The following SMAD4 variants were observed in gnomAD, a reference collection of about 807,000 sequenced individuals.
The protein encoded by SMAD4 is SMAD family member 4.
In SMAD4, 7 loss-of-function variants were observed where a neutral mutation model predicts 63.2. The ratio of observed to expected loss-of-function variants is 0.11; its 90% CI spans 0.06 to 0.21. The LOEUF is 0.21. Ranked by LOEUF, SMAD4 falls within the 10% of genes least tolerant of loss-of-function variation. SMAD4 has a pLI of 1.00. For synonymous variants in SMAD4, 215 were observed against 235.4 expected, an observed-to-expected ratio of 0.91 and a Z score of 0.79; for missense variants, 312 against 693.8, an observed-to-expected ratio of 0.45 and a Z score of 6.18.
At position 51,050,977 on chromosome 18, in the gene SMAD4, G is replaced by T. The variant is rs555556598; in HGVS notation, c.454+1653G>T. On this transcript the variant is annotated intron_variant, in intron 4 of 11. Coordinates refer to ENST00000342988, the MANE Select transcript of SMAD4 (RefSeq NM_005359.6). The stretch of plus-strand genomic sequence containing the variant: ...TCTGGGAAGGGTTGCTTTAAGATTG[G>T]TGAAAACTCTGCTTCTTTGCTACGC... 4.5e-5 allele frequency: 7 copies of T among 155,470 alleles called. No homozygotes were observed. The South Asian group carries it at 1.4e-3, about 30-fold the overall frequency. The allele number at this position is 155,470 out of a possible 1,614,324, so 9.6% of individuals were successfully genotyped here.
At position 51,046,989 on chromosome 18, in the gene SMAD4, A is replaced by C; in HGVS notation, c.-58A>C. ...TGTTGTTTTTCACTGTTTCCAAAGG[A>C]TCAAAATTGCTTCAGAAATTGGAGA... On this transcript the variant is annotated 5_prime_UTR_variant, in exon 2 of 12. Transcript: ENST00000342988. 1 of 1,540,540 alleles carries C rather than the reference A, an allele frequency of 6.5e-7. No individual in the cohort carries two copies. The highest frequency in any genetic ancestry group is 1.1e-5 in the South Asian group (1 of 89,304).
chr18:51,064,925 AAT>A (rs1910107450), intron 8 of SMAD4, among the ~76,000 whole-genome samples: 1 of 152,188 alleles, frequency 6.6e-6, no homozygotes, highest in Non-Finnish European at 1.5e-5. Flanking sequence ...AATCTATAAA[AAT>A]ATGTCATGAG....
chr18:51,057,827 A>G (rs1469126744), intron 5 of SMAD4, among the ~76,000 whole-genome samples: 1 of 152,256 alleles, frequency 6.6e-6, no homozygotes, highest in Non-Finnish European at 1.5e-5. Flanking sequence ...AGAAGTTAAT[A>G]TGATAGGCCA....
Position 51,084,597 on chromosome 18 carries a change from G to T in SMAD4, c.*6130G>T, listed in dbSNP as rs963544952. ...CCAGCTGCTGTTGCAAAGGCTGCTT[G>T]TCATTGATAGAAGGACTCACGGGCT... On this transcript the variant is annotated 3_prime_UTR_variant, in exon 12 of 12. Coordinates refer to ENST00000342988, the MANE Select transcript of SMAD4 (RefSeq NM_005359.6). 4.3e-6 allele frequency: 1 copy of T among 230,220 alleles called. No individual in the cohort carries two copies. Among genetic ancestry groups the T allele is most frequent in the Non-Finnish European group, 8.6e-6 (1 of 116,218 alleles). 14.3% of individuals were successfully genotyped at this position (230,220 alleles called of 1,614,324 possible). A position where few individuals can be genotyped will look rare whatever the true frequency, so the allele number is the denominator to read the frequency against.
chr18:51,085,001 G>A lies in SMAD4; in HGVS notation c.*6534G>A. 4.9e-6 allele frequency: 1 copy of A among 203,858 alleles called. No individual in the cohort carries two copies. The highest frequency in any genetic ancestry group is 7.5e-5 in the East Asian group (1 of 13,324). The allele number at this position is 203,858 out of a possible 1,614,324, so 12.6% of individuals were successfully genotyped here. A position where few individuals can be genotyped will look rare whatever the true frequency, so the allele number is the denominator to read the frequency against. ...TAGTCGAACCTTTCTTGAGAACTCT[G>A]TAACAAAGTATGTTTTTGATTAAAA... On this transcript the variant is annotated 3_prime_UTR_variant, in exon 12 of 12. Transcript: ENST00000342988.
intron 1 of SMAD4, among the ~76,000 whole-genome samples, chr18:51,042,881 C>A (rs931875007): frequency 7.9e-5 from 12 of 152,148 alleles, no homozygotes; most frequent in African/African-American, 2.9e-4. Flanking sequence ...TGGGAAAATC[C>A]ATGTTACTGA....
chr18:51,034,543 G>A (rs998061713), intron 1 of SMAD4, among the ~76,000 whole-genome samples: 1 of 151,942 alleles, frequency 6.6e-6, no homozygotes, highest in East Asian at 1.9e-4. Context: ...GAGCCACCGC[G>A]CCCAGCCTTT....
At chr18:51,049,494 A>G (rs1020634511) in intron 4 of SMAD4, 170 bp downstream of exon 4, 1 of 614,144 alleles carries the variant, frequency 1.6e-6, no homozygotes. Context: ...AACTGGATTT[A>G]AAACTGGATT....
At chr18:51,048,954 A>G (rs1909627221) in intron 3 of SMAD4, 94 bp downstream of exon 3, 1 of 1,092,626 alleles carries the variant, frequency 9.2e-7, no homozygotes, top group Non-Finnish European at 1.4e-6. Flanking sequence ...AATTTGGAAG[A>G]TAGCCCGCGA....
intron 10 of SMAD4, 107 bp from the exon 11 acceptor site, chr18:51,076,531 A>G (rs1040411588): frequency 3.4e-5 from 31 of 902,708 alleles, no homozygotes; most frequent in Non-Finnish European, 1.7e-5. Flanking sequence ...AATTCTTTTC[A>G]TGTGAGAGGT....
chr18:51,052,023 G>A (rs975544238), intron 4 of SMAD4, among the ~76,000 whole-genome samples: 1 of 151,962 alleles, frequency 6.6e-6, no homozygotes, highest in Non-Finnish European at 1.5e-5. Flanking sequence ...ATGTTGGCCG[G>A]CTGGTCTCGA....
intron 8 of SMAD4, among the ~76,000 whole-genome samples, chr18:51,062,497 T>A (rs1599193141): frequency 6.6e-6 from 1 of 152,106 alleles, no homozygotes. Context: ...ATTTATTTTT[T>A]AAATTTTTAT....
Position 51,065,499 on chromosome 18 carries a change from C to T in SMAD4, c.1032C>T (p.Ser344=), listed in dbSNP as rs1255449860. 1 of 1,613,962 alleles carries T rather than the reference C, an allele frequency of 6.2e-7. No individual in the cohort carries two copies. The highest frequency in any genetic ancestry group is 1.1e-5 in the South Asian group (1 of 91,078). ...GAGAGACATTTAAGGTTCCTTCAAG[C>T]TGCCCTATTGTTACTGTTGATGGAT... ...QVGETFKVPS[S]CPIVTVDGYV... is the part of the protein sequence containing the mutation. Residue 344 remains serine (S), a synonymous_variant, in exon 9 of 12, where the codon AGC becomes AGT. Transcript: ENST00000342988.
At chr18:51,042,375 C>T (rs889836699) in intron 1 of SMAD4, among the ~76,000 whole-genome samples, 2 of 139,034 alleles carry the variant, frequency 1.4e-5, no homozygotes, top group East Asian at 2.3e-4. Flanking sequence ...TTTCCTTCCT[C>T]CCTCCCTGCC....
intron 11 of SMAD4, chr18:51,077,538 CTG>C (rs1298732302): frequency 1.0e-5 from 2 of 193,022 alleles, no homozygotes; most frequent in Non-Finnish European, 1.9e-5. Context: ...GACTATATGA[CTG>C]TATGTTCTGA....
chr18:51,050,826 T>G (rs1180382385), intron 4 of SMAD4, among the ~76,000 whole-genome samples: 2 of 147,326 alleles, frequency 1.4e-5, no homozygotes, highest in African/African-American at 5.0e-5. Context: ...ATTCTACTTG[T>G]TTTTTTTTTT....
Position 51,083,910 on chromosome 18 carries a change from A to G in SMAD4, c.*5443A>G, listed in dbSNP as rs1031117862. 1 of 231,342 alleles carries G rather than the reference A, an allele frequency of 4.3e-6. No individual in the cohort carries two copies. Among genetic ancestry groups the G allele is most frequent in the African/African-American group, 2.2e-5 (1 of 45,324 alleles). 14.3% of individuals were successfully genotyped at this position (231,342 alleles called of 1,614,324 possible). A position where few individuals can be genotyped will look rare whatever the true frequency, so the allele number is the denominator to read the frequency against. On this transcript the variant is annotated 3_prime_UTR_variant, in exon 12 of 12. Transcript: ENST00000342988. Reference sequence around the variant, plus strand: ...ATTTTATTACTGTTCTTTTATGGACAAAAGGTTACATAGTATGCCCTTAAG... The same window carrying G: ...ATTTTATTACTGTTCTTTTATGGACGAAAGGTTACATAGTATGCCCTTAAG...
In SMAD4 at chr18:51,054,400, T is replaced by A. The variant is rs566912629; in HGVS notation, c.455-381T>A. On this transcript the variant is annotated intron_variant, in intron 4 of 11. Coordinates refer to ENST00000342988, the MANE Select transcript of SMAD4 (RefSeq NM_005359.6). ...TCAGTCTCTATTTAGACCGAATAAT[T>A]GTTTTTCTCAGCTGGACACATTTTC... 7 of 261,704 alleles carry A rather than the reference T, an allele frequency of 2.7e-5. No homozygotes were observed. In the South Asian group the frequency reaches 3.0e-4, roughly 11 times the overall value. The allele number at this position is 261,704 out of a possible 1,614,324, so 16.2% of individuals were successfully genotyped here.
At position 51,042,297 on chromosome 18, in the gene SMAD4, CTCCT is replaced by C. The variant is rs1173103383; in HGVS notation, c.-127-4619_-127-4616del. ...TTTTCTTGCCTGCCTGCCTCCCTCCCTCCTTCCCTCCCTCCCTCCCTCCCTCCCT... is the reference window on the plus strand; with the variant it reads ...TTTTCTTGCCTGCCTGCCTCCCTCCCTCCCTCCCTCCCTCCCTCCCTCCCT... On this transcript the variant is annotated intron_variant, in intron 1 of 11. Transcript: ENST00000342988. 9.7e-3 allele frequency among the ~76,000 whole-genome samples: 660 copies of C among 67,988 alleles called. 31 individuals are homozygous for C. The highest frequency in any genetic ancestry group is 0.023 in the African/African-American group (555 of 23,742). 44.6% of individuals were successfully genotyped at this position (67,988 alleles called of 152,430 possible).
Sources: allele counts gnomAD v4.1 joint callset (sites outside exome capture counted in the v4.1 genomes callset), GRCh38; gene constraint gnomAD v4.1.1; transcripts MANE v1.5; gene names NCBI Gene and HGNC (gene_info 2026-07-23, HGNC 2026-07-21).